Variants in PLXNA4 observed in about 807,000 individuals in gnomAD.
PLXNA4 encodes plexin A4.
Under a neutral mutation model 191.8 loss-of-function variants are expected in PLXNA4, and 44 were observed. That is an observed-to-expected ratio of 0.23 (90% CI 0.18 to 0.29). PLXNA4 has a LOEUF of 0.29. PLXNA4 is among the 10% of genes least tolerant of loss of function. The probability of loss-of-function intolerance (pLI) is 1.00; values close to 1 mark genes in which losing one functional copy is unlikely to be tolerated. For missense variants in PLXNA4, 1,800 were observed against 2,488.8 expected (o/e 0.72, Z 5.89); for synonymous variants, 1,082 against 1,009.5 (o/e 1.07, Z -1.36).
intron 3 of PLXNA4, among the ~76,000 whole-genome samples, chr7:132,458,784 T>C (rs759419066): frequency 3.2e-4 from 49 of 152,226 alleles, no homozygotes; most frequent in Middle Eastern, 3.4e-3. Context: ...CATACGCACA[T>C]TCCTGCCTGA....
At position 132,528,630 on chromosome 7, in the gene PLXNA4, G is replaced by C. The variant is rs1267517308; in HGVS notation, c.-86-19851C>G. 2.0e-5 allele frequency among the ~76,000 whole-genome samples: 3 copies of C among 152,220 alleles called. No individual in the cohort carries two copies. In the East Asian group the frequency reaches 5.8e-4, roughly 29 times the overall value. On this transcript the variant is annotated intron_variant, in intron 1 of 31. Coordinates refer to ENST00000321063, the MANE Select transcript of PLXNA4 (RefSeq NM_020911.2). The stretch of plus-strand genomic sequence containing the variant: ...AATATAATTTTTTTGCTCTTTAAAA[G>C]AGACTCATGTGAGGGAGCACCTCTC...
chr7:132,311,948 G>A (rs548396756), intron 3 of PLXNA4, among the ~76,000 whole-genome samples: 1 of 152,172 alleles, frequency 6.6e-6, no homozygotes, highest in Non-Finnish European at 1.5e-5. Context: ...CAGAAAGCTG[G>A]GGGCCCTGGG....
At chr7:132,561,542 T>G (rs1801070678) in intron 1 of PLXNA4, among the ~76,000 whole-genome samples, 2 of 113,100 alleles carry the variant, frequency 1.8e-5, no homozygotes, top group Non-Finnish European at 3.6e-5. Flanking sequence ...CTTCTCCTCC[T>G]CCTTCTCCTC....
At chr7:132,497,628 TA>T (rs1406014220) in intron 2 of PLXNA4, among the ~76,000 whole-genome samples, 2 of 152,212 alleles carry the variant, frequency 1.3e-5, no homozygotes, top group Admixed American at 1.3e-4. Context: ...CTGTAATGCC[TA>T]AACTTTCTCT....
chr7:132,382,566 C>T (rs149398862), intron 3 of PLXNA4, among the ~76,000 whole-genome samples: 115 of 152,242 alleles, frequency 7.6e-4, no homozygotes, highest in African/African-American at 2.6e-3. Context: ...GTGAAAGGAT[C>T]AAGATTTTTA....
At position 132,413,635 on chromosome 7, in the gene PLXNA4, G is replaced by T. The variant is rs139719118; in HGVS notation, c.1371+75657C>A. Among the ~76,000 whole-genome samples the T allele has an allele frequency of 3.8e-3, 585 of 152,248 alleles. 5 individuals are homozygous for T. The highest frequency in any genetic ancestry group is 0.013 in the African/African-American group (531 of 41,544). On this transcript the variant is annotated intron_variant, in intron 3 of 31. Transcript: ENST00000321063. ...ACAAATGGAGTTACTCCACGGTTCT[G>T]GTTGCCTGAAACTGCTGGTTTATGT... is the stretch of plus-strand genomic sequence containing the variant.
intron 1 of PLXNA4, among the ~76,000 whole-genome samples, chr7:132,530,256 A>C (rs988102308): frequency 6.6e-6 from 1 of 152,220 alleles, no homozygotes; most frequent in Admixed American, 6.5e-5. Flanking sequence ...CTGTCTAAAC[A>C]TGCAGTTTAT....
At chr7:132,532,240 G>T (rs547906256) in intron 1 of PLXNA4, among the ~76,000 whole-genome samples, 12 of 152,326 alleles carry the variant, frequency 7.9e-5, no homozygotes, top group South Asian at 6.2e-4. Context: ...GAAAAAGGAA[G>T]GGACAATAAT....
At chr7:132,445,722 A>T (rs1383164857) in intron 3 of PLXNA4, among the ~76,000 whole-genome samples, 1 of 152,180 alleles carries the variant, frequency 6.6e-6, no homozygotes, top group Admixed American at 6.5e-5. Context: ...AGAAATACAA[A>T]AAAGCAGTCC....
chr7:132,257,702 C>A lies in PLXNA4; in HGVS notation c.1504-16536G>T, dbSNP rs113084999. On this transcript the variant is annotated intron_variant, in intron 4 of 31. Coordinates refer to ENST00000321063, the MANE Select transcript of PLXNA4 (RefSeq NM_020911.2). Reference sequence around the variant, plus strand: ...ACCTGACCTTCACAGGGCTCCCAGGCTGCTAGAACTGAGTGGGCCATTAGT... The same window carrying A: ...ACCTGACCTTCACAGGGCTCCCAGGATGCTAGAACTGAGTGGGCCATTAGT... 2.3e-3 allele frequency among the ~76,000 whole-genome samples: 352 copies of A among 152,338 alleles called. 1 individual carries two copies. The highest frequency in any genetic ancestry group is 2.9e-3 in the Non-Finnish European group (197 of 68,024).
chr7:132,231,520 G>C (rs1798521871), intron 5 of PLXNA4, among the ~76,000 whole-genome samples: 1 of 152,166 alleles, frequency 6.6e-6, no homozygotes, highest in African/African-American at 2.4e-5. Context: ...CACCTCCTGG[G>C]CTCAAGCCAT....
intron 2 of PLXNA4, among the ~76,000 whole-genome samples, chr7:132,634,533 C>T (rs1323685901): frequency 6.6e-6 from 1 of 152,160 alleles, no homozygotes; most frequent in African/African-American, 2.4e-5. Context: ...TCCTATCCCA[C>T]TCTTTGCCTT....
chr7:132,337,460 G>C (rs75264636), intron 3 of PLXNA4, among the ~76,000 whole-genome samples: 2,435 of 152,318 alleles, frequency 0.016, 28 homozygotes, highest in Middle Eastern at 0.034. Flanking sequence ...GTTCAACACA[G>C]GTGTGCAAAT....
In PLXNA4 at chr7:132,526,731, C is replaced by CA. The variant is rs548731778; in HGVS notation, c.-86-17953dup. ...CATGGCTTCTCAAGAAGGAGGTGAA[C>CA]ATTTATGGTGGCAGTCATCCAGGTG... On this transcript the variant is annotated intron_variant, in intron 1 of 31. Coordinates refer to ENST00000321063, the MANE Select transcript of PLXNA4 (RefSeq NM_020911.2). Among the ~76,000 whole-genome samples the CA allele has an allele frequency of 4.5e-3, 690 of 152,238 alleles. 1 individual carries two copies. The highest frequency in any genetic ancestry group is 8.3e-3 in the Admixed American group (127 of 15,292).
At chr7:132,395,661 T>A (rs1259145443) in intron 3 of PLXNA4, among the ~76,000 whole-genome samples, 3 of 152,232 alleles carry the variant, frequency 2.0e-5, no homozygotes, top group African/African-American at 7.2e-5. Flanking sequence ...GCAAACAGCC[T>A]GGAAGCTGGG....
chr7:132,141,468 C>G (rs1398461263), intron 29 of PLXNA4, among the ~76,000 whole-genome samples: 1 of 152,186 alleles, frequency 6.6e-6, no homozygotes, highest in African/African-American at 2.4e-5. Context: ...AGGAACTGTG[C>G]TTGCAACTGG....
intron 3 of PLXNA4, among the ~76,000 whole-genome samples, chr7:132,436,425 G>A (rs141197204): frequency 6.6e-5 from 10 of 152,274 alleles, no homozygotes; most frequent in African/African-American, 1.7e-4. Flanking sequence ...GGAGCCAGGC[G>A]GCGGAAGCCT....
intron 3 of PLXNA4, among the ~76,000 whole-genome samples, chr7:132,348,863 G>C (rs541408217): frequency 1.3e-5 from 2 of 152,270 alleles, no homozygotes; most frequent in South Asian, 4.1e-4. Context: ...TATGCTTCCT[G>C]TTACTATGCT....
rs189876777 is a variant in PLXNA4, at chr7:132,316,194, T to C, written c.1372-17972A>G. 2.0e-5 allele frequency among the ~76,000 whole-genome samples: 3 copies of C among 152,210 alleles called. No homozygotes were observed. In the East Asian group the frequency reaches 5.8e-4, roughly 29 times the overall value. ...ATGACTAAACTAAAAAATGCGACTC[T>C]ATCACCATAAGCCTCCCTATGTTGT... On this transcript the variant is annotated intron_variant, in intron 3 of 31. Coordinates refer to ENST00000321063, the MANE Select transcript of PLXNA4 (RefSeq NM_020911.2).
Sources: gnomAD v4.1 joint callset for allele counts (sites outside exome capture counted in the v4.1 genomes callset) on GRCh38, gnomAD v4.1.1 for gene constraint, MANE v1.5 for transcripts, NCBI Gene and HGNC (gene_info 2026-07-23, HGNC 2026-07-21) for gene names.